Variants in CTDP1 observed in about 807,000 individuals in gnomAD.
CTDP1 encodes RNA polymerase II subunit A C-terminal domain phosphatase.
In CTDP1, 47 loss-of-function variants were observed where a neutral mutation model predicts 91.8. The ratio of observed to expected loss-of-function variants is 0.51; its 90% CI spans 0.41 to 0.65. The LOEUF is 0.65. Among genes scored for constraint, CTDP1 ranks in the 30% least tolerant of loss-of-function variants. The pLI, the probability that CTDP1 is intolerant of heterozygous loss-of-function variation, is 0.00. For missense variants in CTDP1, 1,272 were observed against 1,373.7 expected (o/e 0.93, Z 1.17); for synonymous variants, 656 against 598.5 (o/e 1.10, Z -1.40).
At chr18:79,704,629 C>T (rs1233191653) in intron 4 of CTDP1, 138 bp from the exon 5 acceptor site, 45 of 1,141,110 alleles carry the variant, frequency 3.9e-5, no homozygotes, top group Non-Finnish European at 5.3e-5. Flanking sequence ...GGACGCCTGT[C>T]GGGCACACGC....
At chr18:79,747,900 A>G (rs2086913163) in intron 12 of CTDP1, among the ~76,000 whole-genome samples, 1 of 152,156 alleles carries the variant, frequency 6.6e-6, no homozygotes, top group African/African-American at 2.4e-5. Flanking sequence ...GCACTGACGG[A>G]TATCTTTCCG....
intron 4 of CTDP1, among the ~76,000 whole-genome samples, chr18:79,698,705 C>G (rs2085798297): frequency 6.6e-6 from 1 of 152,166 alleles, no homozygotes; most frequent in South Asian, 2.1e-4. Context: ...TGCTATTGAA[C>G]AGTATGTGGA....
intron 10 of CTDP1, among the ~76,000 whole-genome samples, chr18:79,725,559 G>A (rs1190472663): frequency 4.0e-5 from 6 of 150,814 alleles, no homozygotes; most frequent in African/African-American, 9.8e-5. Flanking sequence ...TCCTTATTTC[G>A]TACTTTCCTT....
chr18:79,695,811 C>G (rs1306103025), intron 2 of CTDP1, among the ~76,000 whole-genome samples, 166 bp from the exon 3 acceptor site: 2 of 152,208 alleles, frequency 1.3e-5, no homozygotes, highest in African/African-American at 4.8e-5. Context: ...ACCAGTTTTC[C>G]TGTCTGTGGA....
At chr18:79,676,969 T>A (rs138720979), upstream of CTDP1, among the ~76,000 whole-genome samples, 1 of 152,314 alleles carries the variant, frequency 6.6e-6, no homozygotes, top group Non-Finnish European at 1.5e-5. Flanking sequence ...CAGGTTGGAG[T>A]TGTAATCACC....
intron 10 of CTDP1, among the ~76,000 whole-genome samples, chr18:79,722,820 A>C (rs1046486960): frequency 2.0e-5 from 3 of 152,238 alleles, no homozygotes; most frequent in African/African-American, 7.2e-5. Flanking sequence ...AAACGGGACC[A>C]GCCGGCAGGA....
chr18:79,696,451 A>G (rs2085749106), intron 3 of CTDP1, among the ~76,000 whole-genome samples: 2 of 149,728 alleles, frequency 1.3e-5, no homozygotes, highest in Admixed American at 1.3e-4. Context: ...CTGCCGAGGC[A>G]TGTGCTGGAT....
intron 4 of CTDP1, among the ~76,000 whole-genome samples, chr18:79,698,614 G>A (rs907774598): frequency 6.6e-6 from 1 of 152,246 alleles, no homozygotes. Context: ...TGTGCCCAGA[G>A]GCTTGCGCAG....
At chr18:79,731,722 T>A (rs193065743) in intron 11 of CTDP1, among the ~76,000 whole-genome samples, 2 of 152,356 alleles carry the variant, frequency 1.3e-5, no homozygotes, top group African/African-American at 4.8e-5. Context: ...CCATGAAAAT[T>A]AACGTTGTAA....
chr18:79,677,572 G>A (rs1482013557), upstream of CTDP1: 1 of 152,256 alleles, frequency 6.6e-6, no homozygotes, highest in Non-Finnish European at 1.5e-5. Flanking sequence ...TACGTATGGA[G>A]AAACCTATAG....
intron 10 of CTDP1, among the ~76,000 whole-genome samples, chr18:79,727,626 G>A (rs2086478094): frequency 6.6e-6 from 1 of 152,246 alleles, no homozygotes; most frequent in African/African-American, 2.4e-5. Context: ...TTTCTGGGCA[G>A]AAAATCTTCT....
upstream of CTDP1, among the ~76,000 whole-genome samples, chr18:79,676,885 A>G (rs1204326738): frequency 1.3e-5 from 2 of 152,228 alleles, no homozygotes; most frequent in African/African-American, 4.8e-5. Context: ...AAAAGGTGGC[A>G]CACCTATTAA....
chr18:79,680,173 C>A lies in CTDP1; in HGVS notation c.226C>A (p.Pro76Thr). The A allele has an allele frequency of 7.2e-7, 1 of 1,384,954 alleles. No homozygotes were observed. Among genetic ancestry groups the A allele is most frequent in the South Asian group, 1.6e-5 (1 of 62,246 alleles). 85.8% of individuals were successfully genotyped at this position (1,384,954 alleles called of 1,614,324 possible). The change falls in exon 1 of 13, where the codon CCC becomes ACC. Residue 76 changes from proline to threonine, a missense_variant. By Grantham distance (38) the Pro-to-Thr change is conservative. This residue lies in a region of CTDP1 where 214 missense variants were observed against 179.1 expected (regional missense o/e 1.19). Transcript: ENST00000613122. ...TGTAGCCTCCGGGGGCTGCGTGCGCCCCGCGCGGCCGGAACGCAGGCTGAG... is the reference window on the plus strand; with the variant it reads ...TGTAGCCTCCGGGGGCTGCGTGCGCACCGCGCGGCCGGAACGCAGGCTGAG... ...SRVASGGCVR[P>T]ARPERRLRSE...
At position 79,715,188 on chromosome 18, in the gene CTDP1, G is replaced by T; in HGVS notation, c.1728G>T (p.Met576Ile). Residue 576 changes from methionine (M) to isoleucine (I), a missense_variant, in exon 8 of 13, where the codon ATG (methionine) becomes ATT (isoleucine). Coordinates refer to ENST00000613122, the MANE Select transcript of CTDP1 (RefSeq NM_004715.5). ...CGGGTGAGTCCCTGGACCAGAGCAT[G>T]GAGGAGGAGGAGGAGGAGGACACGG... is the stretch of plus-strand genomic sequence containing the variant. ...VTAGESLDQS[M>I]EEEEEEDTDE... The T allele has an allele frequency of 1.3e-6, 2 of 1,560,308 alleles. No homozygotes were observed. Among genetic ancestry groups the T allele is most frequent in the Non-Finnish European group, 1.7e-6 (2 of 1,147,176 alleles).
chr18:79,696,402 G>A (rs2085747896), intron 3 of CTDP1, among the ~76,000 whole-genome samples: 1 of 152,192 alleles, frequency 6.6e-6, no homozygotes, highest in South Asian at 2.1e-4. Context: ...ACTGGGGAGG[G>A]ATGTGACAGC....
chr18:79,742,181 TGAGAGAGAGAGAGAGAGA>T (rs35935192), intron 12 of CTDP1, among the ~76,000 whole-genome samples: 1 of 99,878 alleles, frequency 1.0e-5, no homozygotes, highest in East Asian at 3.0e-4. Flanking sequence ...GCATGAAGCA[TGAGAGAGAGAGAGAGAGA>T]GAGAGAGAGG....
intron 1 of CTDP1, among the ~76,000 whole-genome samples, chr18:79,689,341 C>G (rs1306999035): frequency 6.6e-6 from 1 of 152,144 alleles, no homozygotes; most frequent in Non-Finnish European, 1.5e-5. Context: ...TACTTTGTTA[C>G]CACATAAATA....
Position 79,710,388 on chromosome 18 carries a change from T to C in CTDP1, c.815T>C (p.Leu272Ser). 6.2e-7 allele frequency: 1 copy of C among 1,614,102 alleles called. No individual in the cohort carries two copies. The highest frequency in any genetic ancestry group is 8.5e-7 in the Non-Finnish European group (1 of 1,179,988). ...PEKKLFSHRI[L>S]SRDECIDPFS... The stretch of plus-strand genomic sequence containing the variant: ...AAGAAGCTTTTTTCTCACCGAATAT[T>C]ATCAAGGGATGAATGTATTGACCCA... The change falls in exon 6 of 13, where the codon TTA becomes TCA. Residue 272 changes from leucine (L) to serine (S), a missense_variant. Physicochemically the swap from Leu to Ser is moderately radical, Grantham distance 145. Coordinates refer to ENST00000613122, the MANE Select transcript of CTDP1 (RefSeq NM_004715.5).
intron 1 of CTDP1, chr18:79,680,848 C>T (rs563611073): frequency 6.6e-6 from 1 of 152,462 alleles, no homozygotes; most frequent in Non-Finnish European, 1.5e-5. Flanking sequence ...CTCCACAGCT[C>T]TCAGTAGCTG....
Sources: allele counts gnomAD v4.1 joint callset (sites outside exome capture counted in the v4.1 genomes callset), GRCh38; gene constraint gnomAD v4.1.1; regional missense constraint gnomAD v4.1.1; transcripts MANE v1.5; gene names NCBI Gene and HGNC (gene_info 2026-07-23, HGNC 2026-07-21).